SWAP70: variants seen among roughly 807,000 people sequenced by gnomAD.
The protein encoded by SWAP70 is switching B cell complex subunit SWAP70.
SWAP70 carries 34 observed loss-of-function variants against 80.2 expected under a neutral mutation model. The ratio of observed to expected loss-of-function variants is 0.42; its 90% CI spans 0.32 to 0.56. The LOEUF (loss-of-function observed/expected upper bound fraction) is 0.56. Among genes scored for constraint, SWAP70 ranks in the 20% least tolerant of loss-of-function variants. The probability of loss-of-function intolerance (pLI) is 0.09; values close to 1 mark genes in which losing one functional copy is unlikely to be tolerated. For synonymous variants in SWAP70, 239 were observed against 238.5 expected, an observed-to-expected ratio of 1.00 and a Z score of -0.02; for missense variants, 578 against 690.7, an observed-to-expected ratio of 0.84 and a Z score of 1.83.
intron 1 of SWAP70, among the ~76,000 whole-genome samples, chr11:9,683,466 G>T (rs1850593421): frequency 1.3e-5 from 2 of 152,000 alleles, no homozygotes; most frequent in South Asian, 2.1e-4. Flanking sequence ...GTATGTCAGG[G>T]ACCAAAAACG....
intron 4 of SWAP70, 134 bp from the exon 5 acceptor site, chr11:9,727,919 G>C (rs1278710465): frequency 4.4e-6 from 4 of 901,832 alleles, no homozygotes; most frequent in Non-Finnish European, 6.3e-6. Context: ...ATTCTCAGAG[G>C]ATCCAAGAAC....
intron 9 of SWAP70, among the ~76,000 whole-genome samples, chr11:9,747,513 G>A (rs1851526589): frequency 6.6e-6 from 1 of 152,206 alleles, no homozygotes. Context: ...TGTCTCACTT[G>A]CACCATCTCT....
chr11:9,690,211 A>C (rs1431841350), intron 1 of SWAP70, among the ~76,000 whole-genome samples: 1 of 152,216 alleles, frequency 6.6e-6, no homozygotes, highest in Non-Finnish European at 1.5e-5. Flanking sequence ...AAGTTTATGG[A>C]GGAGCTTTTA....
chr11:9,703,843 A>G (rs1420405011), intron 2 of SWAP70, among the ~76,000 whole-genome samples: 1 of 152,200 alleles, frequency 6.6e-6, no homozygotes, highest in Non-Finnish European at 1.5e-5. Context: ...TTTGATTTCA[A>G]AGAATTCATG....
chr11:9,680,838 A>G (rs963713530), intron 1 of SWAP70: 2 of 152,152 alleles, frequency 1.3e-5, no homozygotes, highest in African/African-American at 4.8e-5. Context: ...GTATATTTCC[A>G]TGGCAAATAG....
intron 1 of SWAP70, among the ~76,000 whole-genome samples, chr11:9,690,989 G>T (rs970422182): frequency 1.3e-5 from 2 of 151,930 alleles, no homozygotes; most frequent in Non-Finnish European, 2.9e-5. Context: ...ATGCAGCCTC[G>T]ACCTCCCTAG....
chr11:9,713,816 G>A (rs1851030323), intron 3 of SWAP70, among the ~76,000 whole-genome samples, 177 bp downstream of exon 3: 1 of 152,232 alleles, frequency 6.6e-6, no homozygotes, highest in African/African-American at 2.4e-5. Flanking sequence ...TTTGGGGCAT[G>A]TAATACCCCT....
chr11:9,669,456 C>G (rs1850347530), intron 1 of SWAP70, among the ~76,000 whole-genome samples: 1 of 152,188 alleles, frequency 6.6e-6, no homozygotes, highest in Non-Finnish European at 1.5e-5. Context: ...TCTCAAACTC[C>G]TGACCTCAAG....
intron 4 of SWAP70, chr11:9,725,091 C>T (rs1590039527): frequency 5.7e-6 from 3 of 530,750 alleles, no homozygotes; most frequent in Non-Finnish European, 9.9e-6. Flanking sequence ...CCTCCATCTC[C>T]TGGGTTCAAG....
chr11:9,686,414 A>G (rs1850633798), intron 1 of SWAP70, among the ~76,000 whole-genome samples: 1 of 150,028 alleles, frequency 6.7e-6, no homozygotes, highest in South Asian at 2.1e-4. Flanking sequence ...GAGCTGGAGT[A>G]CAGCGGCACC....
chr11:9,671,350 A>G lies in SWAP70; in HGVS notation c.99+7072A>G, dbSNP rs1352298651. On this transcript the variant is annotated intron_variant, in intron 1 of 11. Transcript: ENST00000318950. ...AATATATAAATATATTTAAAAATAT[A>G]AATATATAAATAAAATAAAATAAAA... Among the ~76,000 whole-genome samples, 326 of 115,186 alleles carry G rather than the reference A, an allele frequency of 2.8e-3. 3 individuals carry two copies. The highest frequency in any genetic ancestry group is 0.011 in the African/African-American group (318 of 27,790). 75.6% of individuals were successfully genotyped at this position (115,186 alleles called of 152,430 possible).
At chr11:9,685,275 A>G (rs1394398363) in intron 1 of SWAP70, among the ~76,000 whole-genome samples, 1 of 152,150 alleles carries the variant, frequency 6.6e-6, no homozygotes, top group Non-Finnish European at 1.5e-5. Flanking sequence ...TATCAACTTT[A>G]TAGTTCTACA....
chr11:9,693,877 G>A (rs1417200433), intron 1 of SWAP70, among the ~76,000 whole-genome samples: 1 of 151,974 alleles, frequency 6.6e-6, no homozygotes, highest in Non-Finnish European at 1.5e-5. Context: ...AAGACCACAG[G>A]AGTATTATAT....
At chr11:9,726,137 A>G (rs1851222814) in intron 4 of SWAP70, among the ~76,000 whole-genome samples, 1 of 151,934 alleles carries the variant, frequency 6.6e-6, no homozygotes, top group Non-Finnish European at 1.5e-5. Context: ...ATTTTATATT[A>G]TTTTTATAAA....
chr11:9,671,480 ATATT>A (rs1850386099), intron 1 of SWAP70, among the ~76,000 whole-genome samples: 1 of 103,376 alleles, frequency 9.7e-6, no homozygotes, highest in South Asian at 3.3e-4. Flanking sequence ...ATATAAAAGT[ATATT>A]TATAAATATA....
chr11:9,679,727 G>C (rs1487259799), intron 1 of SWAP70, among the ~76,000 whole-genome samples: 1 of 152,050 alleles, frequency 6.6e-6, no homozygotes, highest in Non-Finnish European at 1.5e-5. Context: ...GGAGTGTGGT[G>C]GTGCGATCTC....
At chr11:9,691,337 G>T (rs959593390) in intron 1 of SWAP70, among the ~76,000 whole-genome samples, 7 of 152,180 alleles carry the variant, frequency 4.6e-5, no homozygotes, top group African/African-American at 1.7e-4. Context: ...ATAGTTAAGG[G>T]TTTTACAAAC....
chr11:9,723,560 G>A (rs1851167244), intron 3 of SWAP70, among the ~76,000 whole-genome samples: 1 of 152,148 alleles, frequency 6.6e-6, no homozygotes, highest in African/African-American at 2.4e-5. Flanking sequence ...TGACATGGAT[G>A]TGTGAATGGT....
intron 2 of SWAP70, among the ~76,000 whole-genome samples, chr11:9,698,093 GTTTTTTGTT>G (rs927034846): frequency 1.4e-4 from 15 of 109,584 alleles, no homozygotes; most frequent in Non-Finnish European, 2.2e-4. Flanking sequence ...GCCAATACAT[GTTTTTTGTT>G]TTTTTTTTTT....
Sources: allele counts gnomAD v4.1 joint callset (sites outside exome capture counted in the v4.1 genomes callset), GRCh38; gene constraint gnomAD v4.1.1; transcripts MANE v1.5; gene names NCBI Gene and HGNC (gene_info 2026-07-23, HGNC 2026-07-21).